Variants in PALLD observed in about 807,000 individuals in gnomAD.
PALLD encodes palladin.
Under a neutral mutation model 123.5 loss-of-function variants are expected in PALLD, and 61 were observed. The ratio of observed to expected loss-of-function variants is 0.49; its 90% CI spans 0.40 to 0.61. The LOEUF (loss-of-function observed/expected upper bound fraction) is 0.61, where lower values mean the gene tolerates loss of function less well. Among genes scored for constraint, PALLD ranks in the 20% least tolerant of loss-of-function variants. PALLD has a pLI of 0.00. For synonymous variants in PALLD, 465 were observed against 496.4 expected, an observed-to-expected ratio of 0.94 and a Z score of 0.84; for missense variants, 1,273 against 1,377.0, an observed-to-expected ratio of 0.92 and a Z score of 1.20.
rs112629833 is a variant in PALLD, at chr4:168,677,580, T to C, written c.1088-3752T>C. The stretch of plus-strand genomic sequence containing the variant: ...CTGTTTTCTCTCCCCAATTTTTCGC[T>C]ACCTTGAGAGTGTGTGTGATAACTT... On this transcript the variant is annotated intron_variant, in intron 3 of 21. Coordinates refer to ENST00000505667, the MANE Select transcript of PALLD (RefSeq NM_001166108.2). Among the ~76,000 whole-genome samples the C allele has an allele frequency of 4.2e-3, 639 of 152,284 alleles. 4 individuals are homozygous for C. The highest frequency in any genetic ancestry group is 0.015 in the African/African-American group (608 of 41,564).
intron 2 of PALLD, among the ~76,000 whole-genome samples, chr4:168,549,774 A>G (rs1223758360): frequency 2.3e-5 from 3 of 129,690 alleles, no homozygotes; most frequent in Non-Finnish European, 5.0e-5. Context: ...AGGAACAAGA[A>G]CCACAAAAAA....
chr4:168,696,350 G>A (rs73864609), intron 8 of PALLD, among the ~76,000 whole-genome samples: 215 of 152,146 alleles, frequency 1.4e-3, no homozygotes, highest in African/African-American at 4.9e-3. Flanking sequence ...TAAACATCCC[G>A]AGAGAAAAAA....
At chr4:168,848,890 T>A (rs1189815490) in intron 10 of PALLD, among the ~76,000 whole-genome samples, 4 of 152,230 alleles carry the variant, frequency 2.6e-5, no homozygotes, top group Non-Finnish European at 5.9e-5. Context: ...GTGGTATGAT[T>A]AACTTCGAAG....
At chr4:168,722,424 CTT>C (rs1430176159) in intron 10 of PALLD, among the ~76,000 whole-genome samples, 3 of 152,136 alleles carry the variant, frequency 2.0e-5, no homozygotes, top group African/African-American at 7.2e-5. Flanking sequence ...AGGATGAAAA[CTT>C]TACCCTCAGA....
chr4:168,840,008 A>T (rs1745809763), intron 10 of PALLD, among the ~76,000 whole-genome samples: 2 of 152,222 alleles, frequency 1.3e-5, no homozygotes, highest in Admixed American at 1.3e-4. Context: ...GATTGATTCA[A>T]AACTGGAGTT....
intron 10 of PALLD, among the ~76,000 whole-genome samples, chr4:168,879,782 A>T (rs918322982): frequency 4.6e-4 from 70 of 152,252 alleles, no homozygotes; most frequent in African/African-American, 1.6e-3. Context: ...GGAGCCAAAT[A>T]TAGTAATGAT....
At chr4:168,793,912 T>G (rs1738007273) in intron 10 of PALLD, among the ~76,000 whole-genome samples, 1 of 152,198 alleles carries the variant, frequency 6.6e-6, no homozygotes, top group Admixed American at 6.5e-5. Context: ...AACTTGGGTC[T>G]AGGCCTAGGT....
intron 10 of PALLD, among the ~76,000 whole-genome samples, chr4:168,803,214 T>C (rs1200810526): frequency 1.3e-5 from 2 of 152,062 alleles, no homozygotes; most frequent in African/African-American, 4.8e-5. Context: ...CTGGGAGGCC[T>C]CGGGAATCAT....
intron 3 of PALLD, among the ~76,000 whole-genome samples, chr4:168,674,076 G>A (rs576680778): frequency 7.9e-5 from 12 of 152,138 alleles, no homozygotes; most frequent in African/African-American, 2.2e-4. Flanking sequence ...CACCATGCCC[G>A]GCTAATTTTT....
intron 12 of PALLD, 48 bp downstream of exon 12, chr4:168,894,725 C>G (rs751153163): frequency 1.3e-6 from 2 of 1,589,190 alleles, no homozygotes; most frequent in Non-Finnish European, 1.7e-6. Context: ...TTCTGTCCCC[C>G]TTTTCCATCT....
At chr4:168,919,645 G>A (rs1040383420) in intron 17 of PALLD, among the ~76,000 whole-genome samples, 3 of 151,850 alleles carry the variant, frequency 2.0e-5, no homozygotes, top group Admixed American at 6.6e-5. Flanking sequence ...CACTAAAGCA[G>A]CAGCTTGCTT....
chr4:168,702,797 A>C (rs1421748029), intron 8 of PALLD, among the ~76,000 whole-genome samples: 1 of 151,896 alleles, frequency 6.6e-6, no homozygotes, highest in East Asian at 1.9e-4. Context: ...TTCAATTTAA[A>C]ATTTCCCAAT....
chr4:168,717,658 C>T (rs943094553), intron 10 of PALLD, among the ~76,000 whole-genome samples: 1 of 152,182 alleles, frequency 6.6e-6, no homozygotes, highest in African/African-American at 2.4e-5. Context: ...GCTGATCTGC[C>T]TTTCACCTAG....
chr4:168,706,440 C>A (rs545055085), intron 8 of PALLD, among the ~76,000 whole-genome samples: 1 of 152,080 alleles, frequency 6.6e-6, no homozygotes, highest in South Asian at 2.1e-4. Context: ...CAATTTTAAA[C>A]CTGTATTAAT....
intron 12 of PALLD, among the ~76,000 whole-genome samples, chr4:168,895,375 C>T (rs1038651933): frequency 1.3e-5 from 2 of 152,128 alleles, no homozygotes; most frequent in Admixed American, 6.5e-5. Flanking sequence ...AGTGAGACTT[C>T]GTCTCCAAAA....
At chr4:168,572,946 A>AT (rs3035617) in intron 2 of PALLD, among the ~76,000 whole-genome samples, 16 of 145,388 alleles carry the variant, frequency 1.1e-4, no homozygotes, top group Admixed American at 2.0e-4. Context: ...TCTGGAGCAG[A>AT]TTTTTTTTTT....
chr4:168,563,319 A>C (rs1332902720), intron 2 of PALLD, among the ~76,000 whole-genome samples: 3 of 152,180 alleles, frequency 2.0e-5, no homozygotes, highest in African/African-American at 7.2e-5. Flanking sequence ...AAGGCAGTTA[A>C]AGGCATGTCT....
intron 2 of PALLD, among the ~76,000 whole-genome samples, chr4:168,534,995 G>A (rs1764964070): frequency 6.6e-6 from 1 of 152,056 alleles, no homozygotes; most frequent in South Asian, 2.1e-4. Context: ...AACATTTACA[G>A]ACCTTTTTTC....
intron 2 of PALLD, among the ~76,000 whole-genome samples, chr4:168,651,716 A>G (rs895748038): frequency 6.6e-6 from 1 of 152,198 alleles, no homozygotes; most frequent in African/African-American, 2.4e-5. Flanking sequence ...CTTTACAAGA[A>G]GAAGAGGTAG....
Sources: allele counts gnomAD v4.1 joint callset (sites outside exome capture counted in the v4.1 genomes callset), GRCh38; gene constraint gnomAD v4.1.1; transcripts MANE v1.5; gene names NCBI Gene and HGNC (gene_info 2026-07-23, HGNC 2026-07-21).